The following MBP variants were observed in gnomAD, a reference collection of about 807,000 sequenced individuals.
MBP encodes myelin basic protein, also known as Golli-MBP.
MBP carries 16 observed loss-of-function variants against 35.8 expected under a neutral mutation model. The observed-to-expected ratio is 0.45, with a 90% CI of 0.30 to 0.68. The LOEUF (loss-of-function observed/expected upper bound fraction) is 0.68, where lower values mean the gene tolerates loss of function less well. Ranked by LOEUF, MBP falls within the 30% of genes least tolerant of loss-of-function variation. The pLI is 0.08. For missense variants in MBP, 380 were observed against 404.7 expected, an observed-to-expected ratio of 0.94 and a Z score of 0.52; for synonymous variants, 143 against 159.6, an observed-to-expected ratio of 0.90 and a Z score of 0.78.
chr18:76,990,150 A>G, intron 4 of MBP, 90 bp from the exon 5 acceptor site: 1 of 773,256 alleles, frequency 1.3e-6, no homozygotes. Context: ...CCTCCTTTGT[A>G]ATCTGGATTT....
At chr18:77,093,807 C>T (rs1004324637) in intron 2 of MBP, among the ~76,000 whole-genome samples, 1 of 152,178 alleles carries the variant, frequency 6.6e-6, no homozygotes, top group Non-Finnish European at 1.5e-5. Context: ...CCTGAAAGCA[C>T]GCTCACGCCT....
At chr18:77,015,530 C>A in intron 4 of MBP, 1 of 985,428 alleles carries the variant, frequency 1.0e-6, no homozygotes, top group Non-Finnish European at 1.2e-6. Context: ...ACTGAAAGAA[C>A]TAGCCAGAAT....
rs969678166 is a variant in MBP at position 76,992,712 on chromosome 18, C to T, written c.577-2652G>A. Among the ~76,000 whole-genome samples the T allele has an allele frequency of 3.9e-5, 6 of 152,302 alleles. No individual in the cohort carries two copies. The East Asian group carries it at 5.8e-4, about 15-fold the overall frequency. On this transcript the variant is annotated intron_variant, in intron 4 of 8. Transcript: ENST00000355994. Reference sequence around the variant, plus strand: ...CCCTCTCCTTCCAGTGTCCTGTGGCCGCCCTTGCCTGCAGCAGGAGCCCTG... The same window carrying T: ...CCCTCTCCTTCCAGTGTCCTGTGGCTGCCCTTGCCTGCAGCAGGAGCCCTG...
chr18:77,118,485 G>A (rs1410800518), intron 1 of MBP, among the ~76,000 whole-genome samples: 3 of 151,940 alleles, frequency 2.0e-5, no homozygotes, highest in Non-Finnish European at 4.4e-5. Flanking sequence ...AAGAGGAAAT[G>A]CAGGAAATCT....
intron 3 of MBP, among the ~76,000 whole-genome samples, chr18:77,051,703 C>G (rs186182328): frequency 1.3e-5 from 2 of 152,250 alleles, no homozygotes; most frequent in East Asian, 3.9e-4. Flanking sequence ...AAATTTAACA[C>G]CTTCCAGGGA....
rs59729749 is a variant in MBP, at chr18:77,127,034, T to C, written c.-26+5546A>G. Among the ~76,000 whole-genome samples the C allele has an allele frequency of 2.9e-4, 44 of 152,318 alleles. No individual in the cohort carries two copies. In the East Asian group the frequency reaches 6.9e-3, roughly 24 times the overall value. Reference sequence around the variant, plus strand: ...TTTTGCACCCATAAACGCGCTATTCTAAAATTCATATGGAAAGGCCCAGAA... The same window carrying C: ...TTTTGCACCCATAAACGCGCTATTCCAAAATTCATATGGAAAGGCCCAGAA... On this transcript the variant is annotated intron_variant, in intron 1 of 8. Coordinates refer to ENST00000355994, the MANE Select transcript of MBP (RefSeq NM_001025101.2).
intron 8 of MBP, 88 bp downstream of exon 8, chr18:76,984,687 G>C: frequency 6.3e-7 from 1 of 1,579,150 alleles, no homozygotes; most frequent in Non-Finnish European, 8.7e-7. Context: ...CTGAGCCAGA[G>C]GCGGCAGCCA....
At position 77,119,386 on chromosome 18, in the gene MBP, C is replaced by A. The variant is rs564425388; in HGVS notation, c.-26+13194G>T. Among the ~76,000 whole-genome samples, 4 of 152,272 alleles carry A rather than the reference C, an allele frequency of 2.6e-5. No homozygotes were observed. The South Asian group carries it at 8.3e-4, about 32-fold the overall frequency. ...CTTGTCACCATGGTGTCCCCAGGAC[C>A]TAGCACAGTCCACAGCACACAGCAG... is the stretch of plus-strand genomic sequence containing the variant. On this transcript the variant is annotated intron_variant, in intron 1 of 8. Transcript: ENST00000355994.
At chr18:77,072,980 C>T (rs990098293) in intron 2 of MBP, among the ~76,000 whole-genome samples, 7 of 152,188 alleles carry the variant, frequency 4.6e-5, no homozygotes, top group Non-Finnish European at 8.8e-5. Flanking sequence ...TCTGAATCTT[C>T]GCCCACTGCC....
intron 3 of MBP, among the ~76,000 whole-genome samples, chr18:77,030,706 A>G (rs538777498): frequency 6.6e-6 from 1 of 152,366 alleles, no homozygotes; most frequent in African/African-American, 2.4e-5. Context: ...CACACAATGG[A>G]AAAATGTTTA....
At chr18:77,110,964 T>C (rs1269494391) in intron 1 of MBP, among the ~76,000 whole-genome samples, 1 of 152,124 alleles carries the variant, frequency 6.6e-6, no homozygotes, top group African/African-American at 2.4e-5. Flanking sequence ...CCAGGAGCAA[T>C]GTTTTCGACA....
Position 77,131,121 on chromosome 18 carries a change from C to CACACA in MBP, c.-26+1458_-26+1459insTGTGT, listed in dbSNP as rs1568354963. Among the ~76,000 whole-genome samples the CACACA allele has an allele frequency of 5.3e-4, 35 of 65,532 alleles. No homozygotes were observed. Among genetic ancestry groups the CACACA allele is most frequent in the East Asian group, 2.4e-3 (7 of 2,958 alleles). 43.0% of individuals were successfully genotyped at this position (65,532 alleles called of 152,430 possible). A position where few individuals can be genotyped will look rare whatever the true frequency, so the allele number is the denominator to read the frequency against. ...CACACACACACACACACACACACACCCCCTCTGCCGCGGTACCCTTCCCCT... is the reference window on the plus strand; with the variant it reads ...CACACACACACACACACACACACACCACACACCCTCTGCCGCGGTACCCTTCCCCT... On this transcript the variant is annotated intron_variant, in intron 1 of 8. Transcript: ENST00000355994. The surrounding 1 kb of genome is among the most constrained non-coding windows in gnomAD (Gnocchi z 5.5).
At chr18:77,106,795 G>A (rs988682345) in intron 1 of MBP, among the ~76,000 whole-genome samples, 1 of 152,162 alleles carries the variant, frequency 6.6e-6, no homozygotes, top group Non-Finnish European at 1.5e-5. Context: ...AAAACGCAAG[G>A]CTACCTTTGC....
chr18:77,076,714 T>C (rs1049570347), intron 2 of MBP, among the ~76,000 whole-genome samples: 3 of 152,144 alleles, frequency 2.0e-5, no homozygotes, highest in Admixed American at 6.5e-5. Context: ...GTTAAAAACA[T>C]GTTCAATGAT....
chr18:77,008,607 T>G (rs1038962995), intron 4 of MBP, among the ~76,000 whole-genome samples: 41 of 152,260 alleles, frequency 2.7e-4, no homozygotes, highest in African/African-American at 9.9e-4. Flanking sequence ...CACGACCACC[T>G]TGGGGCTCTC....
At chr18:77,009,685 T>C (rs1186049381) in intron 4 of MBP, among the ~76,000 whole-genome samples, 1 of 152,216 alleles carries the variant, frequency 6.6e-6, no homozygotes, top group Admixed American at 6.5e-5. Context: ...TGCTTTTCCC[T>C]GGGGGAGGCC....
At chr18:77,085,065 T>C (rs1975166041) in intron 2 of MBP, among the ~76,000 whole-genome samples, 1 of 69,798 alleles carries the variant, frequency 1.4e-5, no homozygotes, top group Non-Finnish European at 3.6e-5. Flanking sequence ...TTAAAGCTAA[T>C]TCATGTAAGG....
chr18:77,001,728 T>A lies in MBP; in HGVS notation c.577-11668A>T, dbSNP rs553331093. 2.6e-5 allele frequency among the ~76,000 whole-genome samples: 4 copies of A among 152,212 alleles called. No individual in the cohort carries two copies. The East Asian group carries it at 7.7e-4, about 29-fold the overall frequency. On this transcript the variant is annotated intron_variant, in intron 4 of 8. Coordinates refer to ENST00000355994, the MANE Select transcript of MBP (RefSeq NM_001025101.2). ...AGCTGGGCGTGGTGGCGGACACCTG[T>A]AATCCCAGCTACTTGGGAGGCTGAG... is the stretch of plus-strand genomic sequence containing the variant.
intron 1 of MBP, among the ~76,000 whole-genome samples, chr18:77,118,867 CAG>C (rs1462167819): frequency 2.6e-5 from 4 of 151,366 alleles, no homozygotes; most frequent in African/African-American, 9.7e-5. Context: ...ACACACTCCA[CAG>C]ACACTTCACA....
Sources: gnomAD v4.1 joint callset for allele counts (sites outside exome capture counted in the v4.1 genomes callset) on GRCh38, gnomAD v4.1.1 for gene constraint, Gnocchi (gnomAD v3.1) non-coding constraint, MANE v1.5 for transcripts, NCBI Gene and HGNC (gene_info 2026-07-23, HGNC 2026-07-21) for gene names.